The following BPNT1 variants were observed in gnomAD, a reference collection of about 807,000 sequenced individuals.
BPNT1 encodes the protein 3'(2'), 5'-bisphosphate nucleotidase 1, also known as 3'(2'),5'-bisphosphate nucleotidase 1.
A neutral mutation model predicts 36.9 loss-of-function variants in BPNT1; 28 were observed. The ratio of observed to expected loss-of-function variants is 0.76; its 90% CI spans 0.56 to 1.04. BPNT1 has a LOEUF of 1.04. Among genes scored for constraint, BPNT1 ranks in the 50% least tolerant of loss-of-function variants. BPNT1 has a pLI of 0.00. For missense variants in BPNT1, 313 were observed against 372.9 expected (o/e 0.84, Z 1.32); for synonymous variants, 119 against 130.9 (o/e 0.91, Z 0.62).
chr1:220,084,304 C>A (rs879493589), intron 1 of BPNT1, among the ~76,000 whole-genome samples: 6 of 151,108 alleles, frequency 4.0e-5, no homozygotes, highest in Non-Finnish European at 8.8e-5. Flanking sequence ...CTACACTCCA[C>A]CCTGGGCAAC....
At chr1:220,078,532 CAT>C (rs1465081317) in intron 2 of BPNT1, among the ~76,000 whole-genome samples, 1 of 130,802 alleles carries the variant, frequency 7.6e-6, no homozygotes, top group Non-Finnish European at 1.6e-5. Flanking sequence ...AATTATATTA[CAT>C]TATATATATT....
Position 220,073,970 on chromosome 1 carries a change from T to C in BPNT1, c.222A>G (p.Glu74=), listed in dbSNP as rs1468448258. 2.5e-6 allele frequency: 4 copies of C among 1,613,336 alleles called. No individual in the cohort carries two copies. The highest frequency in any genetic ancestry group is 3.4e-6 in the Non-Finnish European group (4 of 1,179,674). ...RKFPKLTIIG[E]EDLPSEEVDQ... ...AAATGTCTCTGATGACGCTTACCTC[T>C]TCCCCTATAATTGTGAGTTTGGGGA... is the stretch of plus-strand genomic sequence containing the variant. The change falls in exon 3 of 9, where the codon GAA becomes GAG. Residue 74 remains glutamate (E), a synonymous_variant. Coordinates refer to ENST00000322067, the MANE Select transcript of BPNT1 (RefSeq NM_006085.6).
chr1:220,063,414 T>A (rs1663246532), intron 6 of BPNT1, among the ~76,000 whole-genome samples: 2 of 152,174 alleles, frequency 1.3e-5, no homozygotes, highest in Non-Finnish European at 2.9e-5. Context: ...CCTGAGAGAA[T>A]CTGCTGATTA....
chr1:220,063,463 T>G (rs1020991363), intron 6 of BPNT1, among the ~76,000 whole-genome samples: 3 of 152,212 alleles, frequency 2.0e-5, no homozygotes, highest in Non-Finnish European at 2.9e-5. Flanking sequence ...CAAAGAACTT[T>G]TGGTTATTCC....
intron 1 of BPNT1, among the ~76,000 whole-genome samples, chr1:220,082,179 T>TA (rs1398366277): frequency 2.9e-4 from 40 of 138,646 alleles, no homozygotes; most frequent in Admixed American, 3.9e-4. Flanking sequence ...TTTTATATTT[T>TA]TTATATATAT....
At chr1:220,082,118 AGAGT>A (rs1463112663) in intron 1 of BPNT1, among the ~76,000 whole-genome samples, 4 of 133,806 alleles carry the variant, frequency 3.0e-5, no homozygotes, top group East Asian at 2.2e-4. Context: ...AGAGAGAGAG[AGAGT>A]GTATATATAT....
rs776787341 is a variant in BPNT1, at chr1:220,058,989, T to C, written c.782A>G (p.Lys261Arg). Residue 261 changes from lysine to arginine, a missense_variant, in exon 9 of 9, where the codon AAG becomes AGG. By Grantham distance (26) the Lys-to-Arg change is conservative. Transcript: ENST00000322067. ...AACATTCCCATGGATATCGGTTAAC[T>C]TGCCTATAGAAAAACATCAATCAAT... ...PEVILHAVGG[K>R]LTDIHGNVLQ... is the part of the protein sequence containing the mutation. 1 of 1,613,416 alleles carries C rather than the reference T, an allele frequency of 6.2e-7. No homozygotes were observed. Among genetic ancestry groups the C allele is most frequent in the Non-Finnish European group, 8.5e-7 (1 of 1,179,654 alleles).
intron 1 of BPNT1, among the ~76,000 whole-genome samples, chr1:220,081,271 G>C (rs116249212): frequency 6.6e-6 from 1 of 152,048 alleles, no homozygotes. Context: ...GGCCGGGCAC[G>C]GTGACTAACG....
At chr1:220,060,466 ACT>A (rs1419721324) in intron 7 of BPNT1, among the ~76,000 whole-genome samples, 3 of 151,976 alleles carry the variant, frequency 2.0e-5, no homozygotes, top group Non-Finnish European at 4.4e-5. Flanking sequence ...ACAGAGCGAG[ACT>A]CTGTCTCAAA....
chr1:220,080,834 G>A (rs1345274524), intron 1 of BPNT1, among the ~76,000 whole-genome samples: 1 of 152,206 alleles, frequency 6.6e-6, no homozygotes, highest in African/African-American at 2.4e-5. Flanking sequence ...ATCTTCGTCA[G>A]TAGCCAGATA....
chr1:220,089,492 A>G (rs1484109484), intron 1 of BPNT1, among the ~76,000 whole-genome samples, 194 bp downstream of exon 1: 1 of 152,236 alleles, frequency 6.6e-6, no homozygotes, highest in Non-Finnish European at 1.5e-5. Context: ...ATATGGCTAT[A>G]AAAACCTTCC....
At chr1:220,065,281 C>A (rs1663438936) in intron 6 of BPNT1, among the ~76,000 whole-genome samples, 1 of 152,168 alleles carries the variant, frequency 6.6e-6, no homozygotes, top group African/African-American at 2.4e-5. Flanking sequence ...TAAATGCAAT[C>A]CCATGATGCA....
rs1662836411 is a variant in BPNT1 at position 220,059,615 on chromosome 1, CTGAGA to C, written c.778+66_778+70del. ...TAACAGTCTAAGTAAAATAATATTA[CTGAGA>C]TATTATGTCTTAGCATGATATAATT... On this transcript the variant is annotated intron_variant, in intron 8 of 8. Coordinates refer to ENST00000322067, the MANE Select transcript of BPNT1 (RefSeq NM_006085.6). 4.4e-6 allele frequency: 5 copies of C among 1,143,356 alleles called. No individual in the cohort carries two copies. The East Asian group carries it at 1.2e-4, about 28-fold the overall frequency. 70.8% of individuals were successfully genotyped at this position (1,143,356 alleles called of 1,614,324 possible).
At chr1:220,065,603 T>A (rs570518954) in intron 6 of BPNT1, among the ~76,000 whole-genome samples, 47 of 152,276 alleles carry the variant, frequency 3.1e-4, no homozygotes, top group African/African-American at 1.1e-3. Flanking sequence ...TGAATCTCAG[T>A]TCTGCCATTT....
In BPNT1 at chr1:220,062,494, T is replaced by C. The variant is rs898372128; in HGVS notation, c.672+263A>G. Among the ~76,000 whole-genome samples the C allele has an allele frequency of 2.0e-5, 3 of 152,190 alleles. No homozygotes were observed. The East Asian group carries it at 5.8e-4, about 29-fold the overall frequency. On this transcript the variant is annotated intron_variant, in intron 7 of 8. Coordinates refer to ENST00000322067, the MANE Select transcript of BPNT1 (RefSeq NM_006085.6). The stretch of plus-strand genomic sequence containing the variant: ...GAACTCATCATTTTTTATGGCTGCA[T>C]AGTATTCCATGGTGTATATGTGCCA...
intron 1 of BPNT1, among the ~76,000 whole-genome samples, chr1:220,081,351 T>G (rs2102749770): frequency 6.6e-6 from 1 of 152,250 alleles, no homozygotes; most frequent in Admixed American, 6.5e-5. Context: ...GAGACCAGCC[T>G]GACCAACATG....
intron 8 of BPNT1, among the ~76,000 whole-genome samples, chr1:220,059,357 C>T (rs1486315754): frequency 1.5e-5 from 2 of 135,262 alleles, no homozygotes; most frequent in Non-Finnish European, 3.0e-5. Flanking sequence ...TTCAAGGGTG[C>T]AGTGAGCCAT....
rs777549167 is a variant in BPNT1, at chr1:220,057,648, A to T, written c.*1196T>A. 4.3e-5 allele frequency: 15 copies of T among 351,234 alleles called. No homozygotes were observed. Among genetic ancestry groups the T allele is most frequent in the Non-Finnish European group, 7.3e-5 (13 of 177,124 alleles). 21.8% of individuals were successfully genotyped at this position (351,234 alleles called of 1,614,324 possible). ...CACAATTAAGCCTTATAATGATGCC[A>T]CAAGAATAAACTAATCCCCAAAGTC... On this transcript the variant is annotated 3_prime_UTR_variant, in exon 9 of 9. Transcript: ENST00000322067.
chr1:220,062,039 TA>T (rs879746935), intron 7 of BPNT1, among the ~76,000 whole-genome samples: 1,663 of 137,416 alleles, frequency 0.012, 21 homozygotes, highest in Admixed American at 0.024. Context: ...CTCTCTCAGA[TA>T]AAAAAAAAAA....
Sources: gnomAD v4.1 joint callset for allele counts (sites outside exome capture counted in the v4.1 genomes callset) on GRCh38, gnomAD v4.1.1 for gene constraint, MANE v1.5 for transcripts, NCBI Gene and HGNC (gene_info 2026-07-23, HGNC 2026-07-21) for gene names.